Variants in MACROD2 observed in about 807,000 individuals in gnomAD.
MACROD2 encodes mono-ADP ribosylhydrolase 2, also known as ADP-ribose glycohydrolase MACROD2.
MACROD2 carries 36 observed loss-of-function variants against 70.4 expected under a neutral mutation model. The ratio of observed to expected loss-of-function variants is 0.51; its 90% confidence interval spans 0.39 to 0.68. The LOEUF (loss-of-function observed/expected upper bound fraction) is 0.68. MACROD2 is among the 30% of genes least tolerant of loss of function. The probability of loss-of-function intolerance (pLI) is 0.00; values close to 1 mark genes in which losing one functional copy is unlikely to be tolerated. For missense variants in MACROD2, 496 were observed against 538.4 expected (o/e 0.92, Z 0.78); for synonymous variants, 172 against 178.8 (o/e 0.96, Z 0.30).
At chr20:14,120,915 G>C (rs1206999385) in intron 3 of MACROD2, among the ~76,000 whole-genome samples, 4 of 151,160 alleles carry the variant, frequency 2.6e-5, no homozygotes. Context: ...TATGGGTGGG[G>C]GGTGAGGGGA....
chr20:15,120,271 TGTGTGTGTGC>T (rs11469731), intron 5 of MACROD2, among the ~76,000 whole-genome samples: 67,947 of 151,584 alleles, frequency 0.45, 17,293 homozygotes, highest in East Asian at 0.86. Flanking sequence ...AGTGTGTGTG[TGTGTGTGTGC>T]ATTCATGCAT....
At chr20:14,418,183 C>T (rs1247339582) in intron 3 of MACROD2, among the ~76,000 whole-genome samples, 1 of 152,080 alleles carries the variant, frequency 6.6e-6, no homozygotes, top group African/African-American at 2.4e-5. Context: ...GACTTTGTTC[C>T]TTTACAGCTG....
At chr20:14,288,900 C>T (rs981998823) in intron 3 of MACROD2, among the ~76,000 whole-genome samples, 2 of 152,140 alleles carry the variant, frequency 1.3e-5, no homozygotes, top group South Asian at 2.1e-4. Flanking sequence ...CCATGCCAGC[C>T]GCCAATTCTG....
intron 15 of MACROD2, among the ~76,000 whole-genome samples, chr20:16,015,303 T>C (rs1568710372): frequency 6.6e-6 from 1 of 152,150 alleles, no homozygotes; most frequent in East Asian, 1.9e-4. Context: ...ACATCCTGAG[T>C]AGTGTAATTT....
At position 14,465,022 on chromosome 20, in the gene MACROD2, G is replaced by A. The variant is rs1600265926; in HGVS notation, c.272-28457G>A. Among the ~76,000 whole-genome samples the A allele has an allele frequency of 2.0e-5, 3 of 152,202 alleles. No homozygotes were observed. In the South Asian group the frequency reaches 6.2e-4, roughly 32 times the overall value. On this transcript the variant is annotated intron_variant, in intron 3 of 17. Transcript: ENST00000684519. ...AGAATGTATATTCTGTTGATTTGGG[G>A]CGGAGAGTTCTGTAGATGTCTATTA... is the stretch of plus-strand genomic sequence containing the variant.
At chr20:15,667,380 C>T (rs757223368) in intron 8 of MACROD2, among the ~76,000 whole-genome samples, 13 of 152,288 alleles carry the variant, frequency 8.5e-5, no homozygotes, top group Non-Finnish European at 1.8e-4. Flanking sequence ...CCTGCAGAAC[C>T]ACGAGCCAAT....
chr20:15,122,691 A>G (rs1233894926), intron 5 of MACROD2, among the ~76,000 whole-genome samples: 1 of 152,138 alleles, frequency 6.6e-6, no homozygotes, highest in East Asian at 1.9e-4. Context: ...CATTCTATAC[A>G]TGTCTCTCAT....
intron 5 of MACROD2, among the ~76,000 whole-genome samples, chr20:15,133,176 A>G (rs1274158903): frequency 6.6e-6 from 1 of 152,126 alleles, no homozygotes; most frequent in African/African-American, 2.4e-5. Flanking sequence ...CTCAAAATTT[A>G]TAAAGAAAAG....
chr20:16,041,076 A>T, intron 15 of MACROD2, 125 bp from the exon 16 acceptor site: 1 of 792,662 alleles, frequency 1.3e-6, no homozygotes. Flanking sequence ...CCTTTTCTGC[A>T]AAAGAAGTTG....
intron 5 of MACROD2, among the ~76,000 whole-genome samples, chr20:14,886,003 T>C (rs767572341): frequency 8.5e-5 from 13 of 152,120 alleles, no homozygotes; most frequent in Non-Finnish European, 1.9e-4. Flanking sequence ...ATCCTTCTCA[T>C]GGAAAAGTCA....
intron 9 of MACROD2, among the ~76,000 whole-genome samples, chr20:15,866,258 G>A (rs777178526): frequency 1.3e-5 from 2 of 151,940 alleles, no homozygotes; most frequent in East Asian, 1.9e-4. Context: ...TGAGAGTGGT[G>A]GTGCATACAT....
chr20:15,065,971 G>T (rs2123093885), intron 5 of MACROD2, among the ~76,000 whole-genome samples: 1 of 152,222 alleles, frequency 6.6e-6, no homozygotes, highest in South Asian at 2.1e-4. Flanking sequence ...CTCTGCTCCA[G>T]GCTTGGGGGT....
At chr20:14,582,612 G>A (rs1327750648) in intron 4 of MACROD2, among the ~76,000 whole-genome samples, 1 of 152,140 alleles carries the variant, frequency 6.6e-6, no homozygotes, top group Non-Finnish European at 1.5e-5. Context: ...TGGTGCTAAT[G>A]CAGTGTGATA....
At chr20:14,975,378 A>T (rs1157715819) in intron 5 of MACROD2, among the ~76,000 whole-genome samples, 1 of 152,044 alleles carries the variant, frequency 6.6e-6, no homozygotes, top group Non-Finnish European at 1.5e-5. Flanking sequence ...TGTGAAGTGG[A>T]GAGGCAGAAA....
At chr20:14,788,002 T>A (rs1055200852) in intron 5 of MACROD2, among the ~76,000 whole-genome samples, 2 of 152,024 alleles carry the variant, frequency 1.3e-5, no homozygotes, top group African/African-American at 2.4e-5. Context: ...TTAAATTTAG[T>A]CCAGCCCATT....
chr20:14,718,657 T>A lies in MACROD2; in HGVS notation c.418+33698T>A, dbSNP rs558745033. ...GGGAAACCTGGTTTAAACATTTAAA[T>A]GATCAGAATCAGAGCAGCCTGAAAC... is the stretch of plus-strand genomic sequence containing the variant. On this transcript the variant is annotated intron_variant, in intron 5 of 17. Transcript: ENST00000684519. 3.4e-4 allele frequency among the ~76,000 whole-genome samples: 52 copies of A among 152,270 alleles called. No individual in the cohort carries two copies. The South Asian group carries it at 0.011, about 32-fold the overall frequency.
intron 3 of MACROD2, among the ~76,000 whole-genome samples, chr20:14,220,139 G>A (rs2081658282): frequency 6.6e-6 from 1 of 152,098 alleles, no homozygotes. Flanking sequence ...GGTAGGAAAG[G>A]ACCATCAGCT....
chr20:15,311,965 TA>T (rs1160224450), intron 6 of MACROD2, among the ~76,000 whole-genome samples: 10 of 151,424 alleles, frequency 6.6e-5, no homozygotes, highest in Non-Finnish European at 1.3e-4. Context: ...AGTGAAATTT[TA>T]AAAAAAAATT....
chr20:15,350,387 G>A (rs568869340), intron 6 of MACROD2, among the ~76,000 whole-genome samples: 10 of 152,244 alleles, frequency 6.6e-5, no homozygotes, highest in East Asian at 3.9e-4. Context: ...TTTAATTGCC[G>A]ATGCACTTCC....
Sources: allele counts gnomAD v4.1 joint callset (sites outside exome capture counted in the v4.1 genomes callset), GRCh38; gene constraint gnomAD v4.1.1; transcripts MANE v1.5; gene names NCBI Gene and HGNC (gene_info 2026-07-23, HGNC 2026-07-21).